FAM174B: variants seen among roughly 807,000 people sequenced by gnomAD.
FAM174B encodes the protein membrane protein FAM174B.
Under a neutral mutation model 10.9 loss-of-function variants are expected in FAM174B, and 12 were observed. The observed-to-expected ratio is 1.10, with a 90% CI of 0.71 to 1.79. The LOEUF is 1.79. Among genes scored for constraint, FAM174B ranks in the 40% most tolerant of loss-of-function variants. The pLI, the probability that FAM174B is intolerant of heterozygous loss-of-function variation, is 0.00. For synonymous variants in FAM174B, 132 were observed against 115.8 expected, an observed-to-expected ratio of 1.14 and a Z score of -0.90; for missense variants, 266 against 233.3, an observed-to-expected ratio of 1.14 and a Z score of -0.91.
At chr15:92,645,358 T>C (rs893267405) in intron 1 of FAM174B, among the ~76,000 whole-genome samples, 17 of 152,188 alleles carry the variant, frequency 1.1e-4, no homozygotes, top group Non-Finnish European at 1.5e-4. Context: ...TTACGCTTCA[T>C]AGAGGATCAT....
chr15:92,641,826 A>T lies in FAM174B; in HGVS notation c.345-11481T>A, dbSNP rs79075269. 2.1e-3 allele frequency among the ~76,000 whole-genome samples: 320 copies of T among 152,316 alleles called. 1 individual carries two copies. The highest frequency in any genetic ancestry group is 7.6e-3 in the African/African-American group (314 of 41,568). On this transcript the variant is annotated intron_variant, in intron 1 of 2. Coordinates refer to ENST00000327355, the MANE Select transcript of FAM174B (RefSeq NM_207446.3). ...AAACTAGATAAATTGGACTCATCAAAATTTAAAACTTTTGTGCTTCAAAGA... is the reference window on the plus strand; with the variant it reads ...AAACTAGATAAATTGGACTCATCAATATTTAAAACTTTTGTGCTTCAAAGA...
intron 2 of FAM174B, among the ~76,000 whole-genome samples, chr15:92,623,490 C>G (rs920735275): frequency 6.6e-6 from 1 of 152,150 alleles, no homozygotes; most frequent in Non-Finnish European, 1.5e-5. Context: ...ATTCAGATTT[C>G]CCACCGTGCC....
chr15:92,617,541 G>A lies in FAM174B; in HGVS notation c.*1915C>T. ...CTTTCAGCAGCCGCCATTTCTGCCA[G>A]GACCAGTGGCAAGCACCTGGCAGAT... On this transcript the variant is annotated 3_prime_UTR_variant, in exon 3 of 3. Transcript: ENST00000327355. 1 of 513,014 alleles carries A rather than the reference G, an allele frequency of 1.9e-6. No individual in the cohort carries two copies. The highest frequency in any genetic ancestry group is 3.4e-6 in the Non-Finnish European group (1 of 292,274). The allele number at this position is 513,014 out of a possible 1,614,324, so 31.8% of individuals were successfully genotyped here.
chr15:92,637,459 A>G (rs930081063), intron 1 of FAM174B, among the ~76,000 whole-genome samples: 1 of 152,160 alleles, frequency 6.6e-6, no homozygotes, highest in Non-Finnish European at 1.5e-5. Context: ...CACACACACA[A>G]CCTAGCAAAC....
At position 92,628,338 on chromosome 15, in the gene FAM174B, CTTTTTTTT is replaced by C. The variant is rs35251307; in HGVS notation, c.476+1868_476+1875del. Among the ~76,000 whole-genome samples, 3 of 84,918 alleles carry C rather than the reference CTTTTTTTT, an allele frequency of 3.5e-5. No homozygotes were observed. In the East Asian group the frequency reaches 1.2e-3, roughly 35 times the overall value. 55.7% of individuals were successfully genotyped at this position (84,918 alleles called of 152,430 possible). The stretch of plus-strand genomic sequence containing the variant: ...CACCACCATGCCTGGCTAATTTTTG[CTTTTTTTT>C]TTTTTTTTTTTTTTGTAGAAGTGGG... On this transcript the variant is annotated intron_variant, in intron 2 of 2. Transcript: ENST00000327355.
intron 2 of FAM174B, among the ~76,000 whole-genome samples, chr15:92,621,470 G>A (rs2050718900): frequency 6.6e-6 from 1 of 152,010 alleles, no homozygotes; most frequent in African/African-American, 2.4e-5. Context: ...AAATTAGCTG[G>A]ACATGGTGGC....
intron 2 of FAM174B, among the ~76,000 whole-genome samples, chr15:92,623,872 G>A (rs935899924): frequency 1.2e-4 from 18 of 152,358 alleles, no homozygotes; most frequent in African/African-American, 4.3e-4. Context: ...AAGAACATCT[G>A]AAAAACATGG....
intron 1 of FAM174B, among the ~76,000 whole-genome samples, chr15:92,633,129 A>G (rs776792867): frequency 5.3e-5 from 8 of 152,316 alleles, no homozygotes; most frequent in Middle Eastern, 3.4e-3. Context: ...AGAAAGTCAT[A>G]AACGGGGCAC....
Position 92,618,744 on chromosome 15 carries a change from G to GCA in FAM174B, c.*710_*711dup, listed in dbSNP as rs10557124. The GCA allele has an allele frequency of 2.2e-3, 326 of 150,584 alleles. 1 individual carries two copies. The highest frequency in any genetic ancestry group is 0.021 in the South Asian group (110 of 5,150). The allele number at this position is 150,584 out of a possible 1,614,324, so 9.3% of individuals were successfully genotyped here. On this transcript the variant is annotated 3_prime_UTR_variant, in exon 3 of 3. Transcript: ENST00000327355. ...CACACACGTGCACACGCACACACGT[G>GCA]CACACACACACACACACACACGCAC...
intron 2 of FAM174B, among the ~76,000 whole-genome samples, chr15:92,626,368 A>C (rs981835404): frequency 2.0e-5 from 3 of 152,108 alleles, no homozygotes; most frequent in Non-Finnish European, 2.9e-5. Context: ...AAAGTGCTGG[A>C]TTATAGGCGC....
intron 1 of FAM174B, among the ~76,000 whole-genome samples, chr15:92,636,509 G>T (rs990500440): frequency 6.6e-6 from 1 of 152,210 alleles, no homozygotes; most frequent in Non-Finnish European, 1.5e-5. Context: ...ATCAGTGGCA[G>T]AGCTAGGGTT....
chr15:92,620,642 C>A (rs575541666), intron 2 of FAM174B, among the ~76,000 whole-genome samples: 36 of 151,912 alleles, frequency 2.4e-4, no homozygotes, highest in Non-Finnish European at 4.7e-4. Context: ...AGGTGAAAAC[C>A]TGTCTCTACT....
chr15:92,631,696 G>A (rs186565241), intron 1 of FAM174B, among the ~76,000 whole-genome samples: 157 of 149,646 alleles, frequency 1.0e-3, no homozygotes, highest in African/African-American at 3.5e-3. Context: ...GACAGATTTC[G>A]CCTGTTAGCC....
intron 1 of FAM174B, among the ~76,000 whole-genome samples, chr15:92,649,991 C>T (rs895520640): frequency 1.3e-5 from 2 of 152,098 alleles, no homozygotes; most frequent in African/African-American, 4.8e-5. Flanking sequence ...AGTCCCACAA[C>T]CTCTCTCAAA....
intron 1 of FAM174B, among the ~76,000 whole-genome samples, chr15:92,639,923 AT>A (rs1369370240): frequency 1.3e-5 from 2 of 152,182 alleles, no homozygotes; most frequent in African/African-American, 4.8e-5. Flanking sequence ...GTATTTCTTT[AT>A]AGCAGTGCAA....
At chr15:92,646,457 G>A (rs1201004977) in intron 1 of FAM174B, among the ~76,000 whole-genome samples, 9 of 152,118 alleles carry the variant, frequency 5.9e-5, no homozygotes, top group Non-Finnish European at 1.3e-4. Flanking sequence ...AACCAAAATT[G>A]AAATTCTAAG....
chr15:92,630,450 T>G (rs2050785172), intron 1 of FAM174B, 105 bp from the exon 2 acceptor site: 1 of 1,075,216 alleles, frequency 9.3e-7, no homozygotes, highest in Non-Finnish European at 1.3e-6. Context: ...TGGTGTTTAG[T>G]CAGGTTTCCT....
Position 92,619,299 on chromosome 15 carries a change from G to A in FAM174B, c.*157C>T, listed in dbSNP as rs1348932303. On this transcript the variant is annotated 3_prime_UTR_variant, in exon 3 of 3. Transcript: ENST00000327355. ...GAGCTTGCCAGTGACAGTCTGAGCA[G>A]ATGCCTGACACGCACGATGGAGCTG... 1.5e-5 allele frequency: 12 copies of A among 805,100 alleles called. No individual in the cohort carries two copies. Among genetic ancestry groups the A allele is most frequent in the Non-Finnish European group, 1.9e-5 (9 of 467,896 alleles). 49.9% of individuals were successfully genotyped at this position (805,100 alleles called of 1,614,324 possible). A position where few individuals can be genotyped will look rare whatever the true frequency, so the allele number is the denominator to read the frequency against.
chr15:92,626,719 A>G (rs2050755392), intron 2 of FAM174B, among the ~76,000 whole-genome samples: 1 of 152,100 alleles, frequency 6.6e-6, no homozygotes, highest in African/African-American at 2.4e-5. Flanking sequence ...AGACACTACT[A>G]AGGTGCTTCA....
Sources: gnomAD v4.1 joint callset for allele counts (sites outside exome capture counted in the v4.1 genomes callset) on GRCh38, gnomAD v4.1.1 for gene constraint, MANE v1.5 for transcripts, NCBI Gene and HGNC (gene_info 2026-07-23, HGNC 2026-07-21) for gene names.